Variants in IL7 observed in about 807,000 individuals in gnomAD.
IL7 encodes interleukin-7.
IL7 carries 3 observed loss-of-function variants against 21.6 expected under a neutral mutation model. That is an observed-to-expected ratio of 0.14 (90% CI 0.06 to 0.36). The LOEUF is 0.36. IL7 is among the 10% of genes least tolerant of loss of function. IL7 has a pLI of 1.00. For synonymous variants in IL7, 62 were observed against 68.1 expected, an observed-to-expected ratio of 0.91 and a Z score of 0.44; for missense variants, 175 against 200.2, an observed-to-expected ratio of 0.87 and a Z score of 0.76.
intron 4 of IL7, among the ~76,000 whole-genome samples, chr8:78,676,560 G>A (rs562264496): frequency 4.6e-5 from 7 of 151,994 alleles, no homozygotes; most frequent in Admixed American, 1.3e-4. Flanking sequence ...TTTAATGTAA[G>A]ACAGAATTTT....
intron 2 of IL7, among the ~76,000 whole-genome samples, chr8:78,744,411 G>A (rs1037892454): frequency 2.0e-5 from 3 of 152,220 alleles, no homozygotes; most frequent in South Asian, 2.1e-4. Flanking sequence ...CCTTCTGCCC[G>A]ATCGGTTTGG....
intron 2 of IL7, chr8:78,747,079 C>T: frequency 2.2e-6 from 1 of 454,342 alleles, no homozygotes; most frequent in Non-Finnish European, 4.4e-6. Flanking sequence ...TTTTTTCTTT[C>T]TTTTTGTAGG....
chr8:78,776,518 A>T (rs1045623763), intron 2 of IL7, among the ~76,000 whole-genome samples: 11 of 152,216 alleles, frequency 7.2e-5, no homozygotes, highest in African/African-American at 2.4e-4. Flanking sequence ...TGTATGTTTG[A>T]ATTTTGCTCT....
chr8:78,727,087 C>G lies in IL7; in HGVS notation n.268-5647G>C, dbSNP rs73251606. Among the ~76,000 whole-genome samples, 1,061 of 152,124 alleles carry G rather than the reference C, an allele frequency of 7.0e-3. 7 individuals are homozygous for G. The highest frequency in any genetic ancestry group is 0.051 in the Middle Eastern group (15 of 294). ...CAAGGACTGGTACATCTGTGGGCCT[C>G]TATGCCTCTCTTAGTTATCTGTCCA... On this transcript the variant is annotated intron_variant and non_coding_transcript_variant, in intron 3 of 6. Transcript: ENST00000519833.
rs375136607 is a variant in IL7, at chr8:78,696,464, C to G, written n.215-10517G>C. On this transcript the variant is annotated intron_variant and non_coding_transcript_variant, in intron 3 of 4. Coordinates refer to the IL7 transcript ENST00000523959. The stretch of plus-strand genomic sequence containing the variant: ...ACCAGCATGAGTCTAAATTCCTGCT[C>G]TGCTGTGAAGTTGGGGCATAACCCT... Among the ~76,000 whole-genome samples, 4 of 152,166 alleles carry G rather than the reference C, an allele frequency of 2.6e-5. No individual in the cohort carries two copies. In the East Asian group the frequency reaches 5.8e-4, roughly 22 times the overall value.
intron 3 of IL7, among the ~76,000 whole-genome samples, chr8:78,703,069 G>A (rs1412362649): frequency 2.0e-5 from 3 of 151,876 alleles, no homozygotes; most frequent in Non-Finnish European, 4.4e-5. Flanking sequence ...GCTAATTTTT[G>A]TATTTTTAGT....
chr8:78,712,749 C>A (rs1810989084), intron 3 of IL7, among the ~76,000 whole-genome samples: 1 of 152,128 alleles, frequency 6.6e-6, no homozygotes, highest in African/African-American at 2.4e-5. Context: ...TCAAGGTTTA[C>A]TAATTTGGGT....
chr8:78,687,634 TTA>T lies in IL7; in HGVS notation n.215-1689_215-1688del, dbSNP rs535130467. Among the ~76,000 whole-genome samples the T allele has an allele frequency of 3.1e-4, 41 of 130,580 alleles. 13 individuals carry two copies. The East Asian group carries it at 7.0e-3, about 22-fold the overall frequency. The allele number at this position is 130,580 out of a possible 152,430, so 85.7% of individuals were successfully genotyped here. ...ACATTATATATATTTACGTAATACA[TTA>T]TATATATATTTACGTAATACATTAT... On this transcript the variant is annotated intron_variant and non_coding_transcript_variant, in intron 3 of 4. Transcript: ENST00000523959.
intron 5 of IL7, among the ~76,000 whole-genome samples, chr8:78,734,064 A>C (rs934628534): frequency 6.6e-5 from 10 of 152,178 alleles, no homozygotes; most frequent in African/African-American, 2.2e-4. Context: ...GAGCTATATC[A>C]GCTGACCGCC....
chr8:78,706,545 C>T (rs1810776972), intron 3 of IL7, among the ~76,000 whole-genome samples: 1 of 152,068 alleles, frequency 6.6e-6, no homozygotes, highest in African/African-American at 2.4e-5. Context: ...CACTGCTTCC[C>T]TGGGCCAGAG....
At chr8:78,697,330 G>T in intron 3 of IL7, 2 of 1,180,672 alleles carry the variant, frequency 1.7e-6, no homozygotes, top group East Asian at 2.6e-5. Context: ...CCCAAAGAAT[G>T]TTAAGTTTTG....
intron 3 of IL7, among the ~76,000 whole-genome samples, chr8:78,687,582 GTAATAAATTATATATATTTACA>G (rs1366224265): frequency 3.8e-5 from 5 of 131,296 alleles, no homozygotes; most frequent in Admixed American, 1.6e-4. Flanking sequence ...ATATATTTAC[GTAATAAATTATATATATTTACA>G]TAATACATTA....
chr8:78,786,654 A>G (rs1020918516), intron 2 of IL7, among the ~76,000 whole-genome samples: 4 of 152,204 alleles, frequency 2.6e-5, no homozygotes, highest in Non-Finnish European at 5.9e-5. Context: ...CCATCATGGT[A>G]TATGCAGTCC....
intron 2 of IL7, chr8:78,761,505 C>T (rs565643769): frequency 2.5e-6 from 4 of 1,611,750 alleles, no homozygotes; most frequent in Non-Finnish European, 3.4e-6. Flanking sequence ...TGAAATTTCA[C>T]AGCCAAAATT....
intron 2 of IL7, among the ~76,000 whole-genome samples, chr8:78,775,150 T>G (rs1248697082): frequency 6.6e-6 from 1 of 152,124 alleles, no homozygotes; most frequent in Non-Finnish European, 1.5e-5. Flanking sequence ...AGTATTTTAT[T>G]AATTTACTTT....
At chr8:78,719,615 TA>T (rs1350577951) in intron 5 of IL7, 1 of 151,808 alleles carries the variant, frequency 6.6e-6, no homozygotes, top group East Asian at 1.9e-4. Flanking sequence ...ATTAAAAATG[TA>T]AAAATTGCTT....
intron 3 of IL7, chr8:78,698,602 T>C: frequency 1.0e-6 from 1 of 980,414 alleles, no homozygotes; most frequent in East Asian, 2.9e-5. Context: ...TTTTCATTCA[T>C]CTTCATTTCC....
At chr8:78,724,968 T>C (rs1055571668) in intron 3 of IL7, among the ~76,000 whole-genome samples, 1 of 152,080 alleles carries the variant, frequency 6.6e-6, no homozygotes, top group Non-Finnish European at 1.5e-5. Context: ...TGAAAAATTA[T>C]TTTGATTTGT....
intron 3 of IL7, among the ~76,000 whole-genome samples, chr8:78,712,346 G>A (rs1810977057): frequency 6.6e-6 from 1 of 151,902 alleles, no homozygotes; most frequent in African/African-American, 2.4e-5. Flanking sequence ...TTAATTTTTT[G>A]AGGTTTCAAA....
Sources: gnomAD v4.1 joint callset for allele counts (sites outside exome capture counted in the v4.1 genomes callset) on GRCh38, gnomAD v4.1.1 for gene constraint, MANE v1.5 for transcripts, NCBI Gene and HGNC (gene_info 2026-07-23, HGNC 2026-07-21) for gene names.